The following ACSL6 variants were observed in gnomAD, a reference collection of about 807,000 sequenced individuals.
The protein encoded by ACSL6 is acyl-CoA synthetase long chain family member 6.
ACSL6 carries 47 observed loss-of-function variants against 98.2 expected under a neutral mutation model. That is an observed-to-expected ratio of 0.48 (90% CI 0.38 to 0.61). ACSL6 has a LOEUF of 0.61. ACSL6 is among the 20% of genes least tolerant of loss of function. The probability of loss-of-function intolerance (pLI) is 0.00; values close to 1 mark genes in which losing one functional copy is unlikely to be tolerated. For missense variants in ACSL6, 761 were observed against 913.4 expected, an observed-to-expected ratio of 0.83 and a Z score of 2.15; for synonymous variants, 362 against 336.9, an observed-to-expected ratio of 1.07 and a Z score of -0.82.
chr5:132,005,678 G>C (rs958392113), intron 1 of ACSL6, among the ~76,000 whole-genome samples: 1 of 152,370 alleles, frequency 6.6e-6, no homozygotes, highest in Non-Finnish European at 1.5e-5. Context: ...GGACAGGGGT[G>C]CGTGGGCAGG....
chr5:132,001,592 C>T (rs1453371759), intron 1 of ACSL6, among the ~76,000 whole-genome samples: 1 of 152,184 alleles, frequency 6.6e-6, no homozygotes, highest in Non-Finnish European at 1.5e-5. Context: ...GGTGGCTCAC[C>T]TGCCAAGCTT....
intron 20 of ACSL6, among the ~76,000 whole-genome samples, chr5:131,959,303 T>C (rs1392939351): frequency 6.6e-6 from 1 of 152,232 alleles, no homozygotes; most frequent in African/African-American, 2.4e-5. Flanking sequence ...AGGGTATTAT[T>C]TCAGCCTTAT....
In ACSL6 at chr5:131,954,213, G is replaced by A. The variant is rs1489957780; in HGVS notation, c.*21C>T. The A allele has an allele frequency of 6.2e-6, 10 of 1,603,996 alleles. No individual in the cohort carries two copies. The South Asian group carries it at 1.1e-4, about 18-fold the overall frequency. ...ATATTGCTAGACAGTTCATTACACT[G>A]AGAAGAACTTTCCTTGAACTTCACA... On this transcript the variant is annotated 3_prime_UTR_variant, in exon 21 of 21. Coordinates refer to ENST00000651883, the MANE Select transcript of ACSL6 (RefSeq NM_001009185.3).
At chr5:131,993,849 G>C in intron 2 of ACSL6, 182 bp downstream of exon 2, 1 of 625,860 alleles carries the variant, frequency 1.6e-6, no homozygotes, top group Non-Finnish European at 2.8e-6. Flanking sequence ...GGGAGAGGCA[G>C]AAGGAGTGCC....
chr5:131,983,255 C>T (rs1753997171), intron 9 of ACSL6: 1 of 152,228 alleles, frequency 6.6e-6, no homozygotes, highest in South Asian at 2.1e-4. Context: ...CAGCAAACCA[C>T]ATGCCCACCC....
In ACSL6 at chr5:131,970,190, C is replaced by T; in HGVS notation, c.1445G>A (p.Gly482Asp). The T allele has an allele frequency of 6.2e-7, 1 of 1,614,014 alleles. No homozygotes were observed. Among genetic ancestry groups the T allele is most frequent in the Non-Finnish European group, 8.5e-7 (1 of 1,180,004 alleles). ...RAALGCQVYEGYGQTECTAGC... is the reference protein window; with the variant it reads ...RAALGCQVYEDYGQTECTAGC... ...AGCTGTGCACTCAGTTTGGCCATAA[C>T]CTTCATAAACCTTCAAACAAAACAC... Residue 482 changes from glycine (G) to aspartate (D), a missense_variant, in exon 15 of 21, where the codon GGT becomes GAT. Transcript: ENST00000651883.
chr5:131,969,744 G>A (rs6880050), intron 15 of ACSL6, among the ~76,000 whole-genome samples: 4,100 of 152,186 alleles, frequency 0.027, 195 homozygotes, highest in African/African-American at 0.093. Context: ...TGAGAACTAC[G>A]TTCTCCTGTG....
chr5:131,975,761 G>A, intron 10 of ACSL6: 8 of 985,482 alleles, frequency 8.1e-6, no homozygotes, highest in Non-Finnish European at 9.6e-6. Flanking sequence ...TGGGATCTGG[G>A]TGGGCTGTGC....
intron 19 of ACSL6, among the ~76,000 whole-genome samples, chr5:131,960,035 G>A (rs1212033127): frequency 6.6e-6 from 1 of 152,220 alleles, no homozygotes; most frequent in Non-Finnish European, 1.5e-5. Flanking sequence ...CCATTAGAAG[G>A]TTTCAGGAAG....
intron 18 of ACSL6, chr5:131,961,093 T>C: frequency 1.3e-5 from 2 of 155,766 alleles, no homozygotes; most frequent in Non-Finnish European, 2.8e-5. Flanking sequence ...GGTATAATCA[T>C]GGCTCACTGC....
intron 6 of ACSL6, 29 bp downstream of exon 6, chr5:131,988,776 G>T: frequency 6.2e-7 from 1 of 1,607,832 alleles, no homozygotes; most frequent in Non-Finnish European, 8.5e-7. Flanking sequence ...CCAGTTGCCA[G>T]TGGCAGGGTG....
chr5:131,959,836 C>G, intron 19 of ACSL6: 1 of 552,490 alleles, frequency 1.8e-6, no homozygotes, highest in Non-Finnish European at 3.2e-6. Context: ...GGCTAAGGGA[C>G]CACTCAATTT....
chr5:131,981,866 C>CT (rs935481355), intron 9 of ACSL6: 13 of 151,416 alleles, frequency 8.6e-5, no homozygotes, highest in Admixed American at 2.0e-4. Context: ...GCCTTTTTTT[C>CT]TTTTTTTTTG....
intron 1 of ACSL6, among the ~76,000 whole-genome samples, chr5:131,997,544 G>A (rs1754853333): frequency 6.6e-6 from 1 of 152,212 alleles, no homozygotes; most frequent in Non-Finnish European, 1.5e-5. Flanking sequence ...GGCCACCAGA[G>A]CCTGTATGAG....
intron 9 of ACSL6, chr5:131,982,293 G>A (rs1016750683): frequency 1.3e-5 from 2 of 150,652 alleles, no homozygotes; most frequent in Non-Finnish European, 3.0e-5. Context: ...ACAGGCGCCC[G>A]CCACTACGCC....
At chr5:131,958,667 G>A (rs1752545014) in intron 20 of ACSL6, among the ~76,000 whole-genome samples, 1 of 151,854 alleles carries the variant, frequency 6.6e-6, no homozygotes, top group Non-Finnish European at 1.5e-5. Context: ...TTTAATCCAT[G>A]AAAATGTTTT....
intron 11 of ACSL6, chr5:131,973,785 T>C (rs1278533318): frequency 6.1e-6 from 1 of 164,900 alleles, no homozygotes; most frequent in Non-Finnish European, 1.3e-5. Flanking sequence ...TTAGAGTTGT[T>C]GGATTTCCCC....
chr5:131,971,719 A>G, intron 13 of ACSL6, 74 bp from the exon 14 acceptor site: 2 of 1,329,530 alleles, frequency 1.5e-6, no homozygotes, highest in Non-Finnish European at 2.1e-6. Context: ...GTTTCATCCA[A>G]GGTCAACATC....
intron 9 of ACSL6, among the ~76,000 whole-genome samples, chr5:131,979,440 A>T (rs1753785587): frequency 6.6e-6 from 1 of 152,204 alleles, no homozygotes; most frequent in African/African-American, 2.4e-5. Flanking sequence ...ATAAAAAAAA[A>T]TTCTAAAGCC....
Sources: gnomAD v4.1 joint callset for allele counts (sites outside exome capture counted in the v4.1 genomes callset) on GRCh38, gnomAD v4.1.1 for gene constraint, MANE v1.5 for transcripts, NCBI Gene and HGNC (gene_info 2026-07-23, HGNC 2026-07-21) for gene names.